The following LINGO2 variants were observed in gnomAD, a reference collection of about 807,000 sequenced individuals.
LINGO2 encodes leucine rich repeat and Ig domain containing 2.
LINGO2 carries 14 observed loss-of-function variants against 30.6 expected under a neutral mutation model. The ratio of observed to expected loss-of-function variants is 0.46; its 90% CI spans 0.30 to 0.72. The LOEUF is 0.72. Among genes scored for constraint, LINGO2 ranks in the 30% least tolerant of loss-of-function variants. The pLI, the probability that LINGO2 is intolerant of heterozygous loss-of-function variation, is 0.07. For missense variants in LINGO2, 729 were observed against 751.7 expected (o/e 0.97, Z 0.35); for synonymous variants, 317 against 288.5 (o/e 1.10, Z -1.00).
At chr9:28,989,493 G>T in the LINGO2 span, among the ~76,000 whole-genome samples, 1 of 152,090 alleles carries the variant, frequency 6.6e-6, no homozygotes, top group Admixed American at 6.6e-5. Flanking sequence ...ATATTAGAAA[G>T]GATATTAGAC....
chr9:29,130,942 C>T, the LINGO2 span, among the ~76,000 whole-genome samples: 65 of 152,218 alleles, frequency 4.3e-4, no homozygotes, highest in Non-Finnish European at 8.7e-4. Flanking sequence ...AAGCACCCAT[C>T]CGTCACAACA....
intron 4 of LINGO2, among the ~76,000 whole-genome samples, chr9:28,069,509 T>A (rs1194189011): frequency 1.3e-5 from 2 of 152,134 alleles, no homozygotes; most frequent in East Asian, 3.9e-4. Flanking sequence ...TCCTTCTGTT[T>A]TCTGATAATT....
intron 1 of LINGO2, among the ~76,000 whole-genome samples, chr9:28,574,788 C>T (rs1823872673): frequency 6.6e-6 from 1 of 152,132 alleles, no homozygotes; most frequent in Admixed American, 6.5e-5. Context: ...ATTCAAATCC[C>T]AGCTTCATCT....
At chr9:28,669,784 C>T (rs1342228051) in intron 1 of LINGO2, among the ~76,000 whole-genome samples, 2 of 151,936 alleles carry the variant, frequency 1.3e-5, no homozygotes, top group Non-Finnish European at 2.9e-5. Flanking sequence ...AATTTATATA[C>T]CTCTTAAATC....
chr9:28,865,895 T>C, the LINGO2 span, among the ~76,000 whole-genome samples: 6 of 152,166 alleles, frequency 3.9e-5, no homozygotes, highest in Non-Finnish European at 8.8e-5. Flanking sequence ...GTTGATCCAA[T>C]AATAATAGTG....
upstream of LINGO2, among the ~76,000 whole-genome samples, chr9:28,670,988 A>C (rs1828986499): frequency 6.6e-6 from 1 of 152,174 alleles, no homozygotes; most frequent in Non-Finnish European, 1.5e-5. Flanking sequence ...CTTTTCAAAA[A>C]AGCATTATTT....
At chr9:28,523,795 G>T (rs4551455) in intron 1 of LINGO2, among the ~76,000 whole-genome samples, 71,969 of 151,626 alleles carry the variant, frequency 0.47, 17,544 homozygotes, top group African/African-American at 0.57. Context: ...TAACTGGAAA[G>T]ACATTTCTAT....
At chr9:28,540,315 A>G (rs1249051257) in intron 1 of LINGO2, among the ~76,000 whole-genome samples, 1 of 151,046 alleles carries the variant, frequency 6.6e-6, no homozygotes, top group Non-Finnish European at 1.5e-5. Flanking sequence ...GCTGGAATAC[A>G]GTGGCACAAT....
chr9:28,385,561 G>C (rs1220753679), intron 2 of LINGO2, among the ~76,000 whole-genome samples: 1 of 152,084 alleles, frequency 6.6e-6, no homozygotes, highest in Non-Finnish European at 1.5e-5. Flanking sequence ...CTTTGTGGCT[G>C]GAAAGAAGGT....
At chr9:29,142,514 A>T in the LINGO2 span, among the ~76,000 whole-genome samples, 1 of 151,982 alleles carries the variant, frequency 6.6e-6, no homozygotes, top group Non-Finnish European at 1.5e-5. Flanking sequence ...AGAAAAACTA[A>T]TTCAGTTCAA....
the LINGO2 span, among the ~76,000 whole-genome samples, chr9:29,188,838 C>G: frequency 1.5e-5 from 2 of 137,590 alleles, no homozygotes; most frequent in African/African-American, 5.6e-5. Flanking sequence ...GGCTGACCCC[C>G]CCGCCACCTT....
At chr9:28,697,619 T>G in the LINGO2 span, among the ~76,000 whole-genome samples, 1 of 151,872 alleles carries the variant, frequency 6.6e-6, no homozygotes, top group African/African-American at 2.4e-5. Context: ...GTGAAATATA[T>G]TTGTCCATAT....
chr9:28,486,177 G>A (rs1424128319), intron 1 of LINGO2, among the ~76,000 whole-genome samples: 4 of 152,120 alleles, frequency 2.6e-5, no homozygotes, highest in Admixed American at 2.0e-4. Context: ...CCAGACTACT[G>A]AGTGTTGTTC....
At chr9:28,733,534 T>C in the LINGO2 span, among the ~76,000 whole-genome samples, 2 of 152,160 alleles carry the variant, frequency 1.3e-5, no homozygotes, top group African/African-American at 4.8e-5. Flanking sequence ...TAAACGCTAG[T>C]GTGCTTGTCC....
At chr9:28,877,626 C>G in the LINGO2 span, among the ~76,000 whole-genome samples, 3 of 152,112 alleles carry the variant, frequency 2.0e-5, no homozygotes, top group East Asian at 1.9e-4. Flanking sequence ...TGTTTTGGTA[C>G]CAGTACCATG....
chr9:27,977,140 T>C (rs1820637642), intron 5 of LINGO2, among the ~76,000 whole-genome samples: 1 of 151,544 alleles, frequency 6.6e-6, no homozygotes, highest in Non-Finnish European at 1.5e-5. Context: ...GGCAACATTC[T>C]AAAATTTGGG....
At chr9:28,725,277 TAAG>T in the LINGO2 span, among the ~76,000 whole-genome samples, 2 of 151,774 alleles carry the variant, frequency 1.3e-5, no homozygotes, top group South Asian at 4.2e-4. Flanking sequence ...TTAGAGTTAA[TAAG>T]AAAACAAGCA....
In LINGO2 at chr9:28,031,049, T is replaced by A. The variant is rs372013786; in HGVS notation, c.-86-18644A>T. ...ATCTTATACTTTCCCAATTCTAATA[T>A]TGATTCTATAATAATTAATGGAGTC... On this transcript the variant is annotated intron_variant, in intron 4 of 5. Coordinates refer to ENST00000379992, the Ensembl canonical transcript of LINGO2. Among the ~76,000 whole-genome samples, 24 of 152,296 alleles carry A rather than the reference T, an allele frequency of 1.6e-4. No individual in the cohort carries two copies. The East Asian group carries it at 3.9e-3, about 24-fold the overall frequency.
At chr9:28,153,448 C>G (rs1828052580) in intron 4 of LINGO2, among the ~76,000 whole-genome samples, 1 of 152,108 alleles carries the variant, frequency 6.6e-6, no homozygotes, top group African/African-American at 2.4e-5. Flanking sequence ...AACCCAGAGC[C>G]TAGAACATTA....
Sources: allele counts gnomAD v4.1 joint callset (sites outside exome capture counted in the v4.1 genomes callset), GRCh38; gene constraint gnomAD v4.1.1; transcripts MANE v1.5; gene names NCBI Gene and HGNC (gene_info 2026-07-23, HGNC 2026-07-21).